SLC15A3: variants seen among roughly 807,000 people sequenced by gnomAD.
SLC15A3 encodes osteoclast transporter.
In SLC15A3, 39 loss-of-function variants were observed where a neutral mutation model predicts 49.2. The observed-to-expected ratio is 0.79, with a 90% CI of 0.61 to 1.04. SLC15A3 has a LOEUF of 1.04. Ranked by LOEUF, SLC15A3 falls within the 50% of genes least tolerant of loss-of-function variation. The probability of loss-of-function intolerance (pLI) is 0.00; values close to 1 mark genes in which losing one functional copy is unlikely to be tolerated. For synonymous variants in SLC15A3, 339 were observed against 367.0 expected, an observed-to-expected ratio of 0.92 and a Z score of 0.87; for missense variants, 758 against 794.8, an observed-to-expected ratio of 0.95 and a Z score of 0.56.
chr11:60,942,204 C>T, intron 3 of SLC15A3, 59 bp from the exon 4 acceptor site: 1 of 1,442,450 alleles, frequency 6.9e-7, no homozygotes, highest in South Asian at 1.1e-5. Flanking sequence ...CTCCCAACTC[C>T]TAGGTGGCAT....
intron 6 of SLC15A3, among the ~76,000 whole-genome samples, chr11:60,938,861 C>T (rs1055940000): frequency 4.6e-5 from 7 of 152,236 alleles, no homozygotes; most frequent in Non-Finnish European, 1.0e-4. Flanking sequence ...CTCTCCCCAT[C>T]TGAGTGAGCT....
chr11:60,937,494 A>AGTGTCTTC, intron 7 of SLC15A3, 121 bp from the exon 8 acceptor site: 1 of 1,277,756 alleles, frequency 7.8e-7, no homozygotes, highest in Non-Finnish European at 1.1e-6. Flanking sequence ...GTGGGATCTG[A>AGTGTCTTC]AGACACTGGA....
rs777180199 is a variant in SLC15A3 at position 60,946,533 on chromosome 11, T to G, written c.847A>C (p.Arg283=). 5 of 1,553,962 alleles carry G rather than the reference T, an allele frequency of 3.2e-6. No homozygotes were observed. The highest frequency in any genetic ancestry group is 4.4e-6 in the Non-Finnish European group (5 of 1,147,068). ...CPQLWQRHSA[R]DRQCARVLAD... The stretch of plus-strand genomic sequence containing the variant: ...CCTGCACCCAGAGCCCCTCCTTACC[T>G]GGCCGAGTGTCGTTGCCACAGCTGG... The change falls in exon 2 of 8, where the codon AGA becomes CGA. Residue 283 remains arginine, a splice_region_variant and synonymous_variant. Coordinates refer to ENST00000227880, the MANE Select transcript of SLC15A3 (RefSeq NM_016582.3).
In SLC15A3 at chr11:60,951,368, T is replaced by C. The variant is rs766925973; in HGVS notation, c.184A>G (p.Ser62Gly). ...TCGCCGGTCCAGTTGAAGTTGGTGC[T>C]GTTGAGGTACAGCACGAGGTTGGCG... ...VTANLVLYLN[S>G]TNFNWTGEQA... The change falls in exon 1 of 8, where the codon AGC becomes GGC. Residue 62 changes from serine to glycine, a missense_variant. Physicochemically the swap from Ser to Gly is moderately conservative, Grantham distance 56. Transcript: ENST00000227880. 6.4e-7 allele frequency: 1 copy of C among 1,559,582 alleles called. No individual in the cohort carries two copies. The highest frequency in any genetic ancestry group is 2.6e-5 in the East Asian group (1 of 38,690).
At chr11:60,938,347 C>G (rs558475406) in intron 6 of SLC15A3, among the ~76,000 whole-genome samples, 60 of 152,296 alleles carry the variant, frequency 3.9e-4, no homozygotes, top group African/African-American at 1.4e-3. Context: ...TCTCCCCACC[C>G]TCTCTGCCCA....
At chr11:60,948,758 G>A (rs894861467) in intron 1 of SLC15A3, among the ~76,000 whole-genome samples, 19 of 152,154 alleles carry the variant, frequency 1.2e-4, no homozygotes, top group South Asian at 6.2e-4. Context: ...CCCAAAGTTC[G>A]TGCCCAGCCA....
chr11:60,937,460 G>A, intron 7 of SLC15A3, 87 bp from the exon 8 acceptor site: 1 of 1,550,492 alleles, frequency 6.4e-7, no homozygotes, highest in South Asian at 1.2e-5. Context: ...CCTGGGGCTG[G>A]CAACTGAGGC....
chr11:60,942,243 G>C, intron 3 of SLC15A3, 98 bp from the exon 4 acceptor site: 6 of 953,084 alleles, frequency 6.3e-6, no homozygotes, highest in Non-Finnish European at 1.0e-5. Context: ...AGGACAGCTG[G>C]GCAGCTGTCC....
At position 60,951,296 on chromosome 11, in the gene SLC15A3, G is replaced by C. The variant is rs756228627; in HGVS notation, c.256C>G (p.Leu86Val). Residue 86 changes from leucine (L) to valine (V), a missense_variant, in exon 1 of 8, where the codon CTG (leucine) becomes GTG (valine). Physicochemically the swap from Leu to Val is conservative, Grantham distance 32 (BLOSUM62 1). This residue lies in a region of SLC15A3 where 699 missense variants were observed against 706.7 expected (regional missense o/e 0.99). Transcript: ENST00000227880. ...GCCAGCCAGCCGCCCACGGGCGCCA[G>C]CAGGTAGGAGGCGCCCAGGAATACC... ...ALVFLGASYL[L>V]APVGGWLADV... The C allele has an allele frequency of 6.6e-7, 1 of 1,523,556 alleles. No homozygotes were observed. Among genetic ancestry groups the C allele is most frequent in the South Asian group, 1.2e-5 (1 of 81,562 alleles). The allele number at this position is 1,523,556 out of a possible 1,614,324, so 94.4% of individuals were successfully genotyped here.
At position 60,951,531 on chromosome 11, in the gene SLC15A3, C is replaced by T. The variant is rs1856922873; in HGVS notation, c.21G>A (p.Arg7=). The T allele has an allele frequency of 2.6e-6, 3 of 1,158,698 alleles. No homozygotes were observed. Among genetic ancestry groups the T allele is most frequent in the South Asian group, 4.3e-5 (1 of 23,436 alleles). The allele number at this position is 1,158,698 out of a possible 1,614,324, so 71.8% of individuals were successfully genotyped here. A position where few individuals can be genotyped will look rare whatever the true frequency, so the allele number is the denominator to read the frequency against. Residue 7 remains arginine, a synonymous_variant, in exon 1 of 8, where the codon CGG becomes CGA. Transcript: ENST00000227880. Reference sequence around the variant, plus strand: ...GCTCCCCGGGCACGCGGGGCTGCTCCCGGGCGCGCGGCGCGGGCATCCTGG... The same window carrying T: ...GCTCCCCGGGCACGCGGGGCTGCTCTCGGGCGCGCGGCGCGGGCATCCTGG... MPAPRA[R]EQPRVPGERQ... is the part of the protein sequence containing the mutation.
At chr11:60,942,545 T>C (rs1856729291) in intron 3 of SLC15A3, 1 of 201,484 alleles carries the variant, frequency 5.0e-6, no homozygotes. Flanking sequence ...AAGCACTGCA[T>C]AGACATGGAC....
At position 60,937,863 on chromosome 11, in the gene SLC15A3, T is replaced by C. The variant is rs1159208002; in HGVS notation, c.1591+7A>G. The C allele has an allele frequency of 6.2e-7, 1 of 1,613,622 alleles. No individual in the cohort carries two copies. The highest frequency in any genetic ancestry group is 8.5e-7 in the Non-Finnish European group (1 of 1,179,698). On this transcript the variant is annotated splice_region_variant and intron_variant, in intron 7 of 7. Transcript: ENST00000227880. Reference sequence around the variant, plus strand: ...ATGTCCCACTCCTGGGGAGGCCCCATACTCACCAAAGTCCTTGGGGCAGTG... The same window carrying C: ...ATGTCCCACTCCTGGGGAGGCCCCACACTCACCAAAGTCCTTGGGGCAGTG...
rs1856922988 is a variant in SLC15A3, at chr11:60,951,534, G to A, written c.18C>T (p.Ala6=). The change falls in exon 1 of 8, where the codon GCC becomes GCT. Residue 6 remains alanine (A), a synonymous_variant. Coordinates refer to ENST00000227880, the MANE Select transcript of SLC15A3 (RefSeq NM_016582.3). ...CCCCGGGCACGCGGGGCTGCTCCCG[G>A]GCGCGCGGCGCGGGCATCCTGGCTC... MPAPR[A]REQPRVPGER... The A allele has an allele frequency of 1.7e-6, 2 of 1,146,518 alleles. No homozygotes were observed. The highest frequency in any genetic ancestry group is 2.1e-6 in the Non-Finnish European group (2 of 932,224). 71.0% of individuals were successfully genotyped at this position (1,146,518 alleles called of 1,614,324 possible).
At chr11:60,945,897 C>A (rs1454292632) in intron 2 of SLC15A3, among the ~76,000 whole-genome samples, 3 of 152,212 alleles carry the variant, frequency 2.0e-5, no homozygotes, top group South Asian at 2.1e-4. Context: ...TCCGCATTGC[C>A]AATGTTTGTG....
rs1856704449 is a variant in SLC15A3 at position 60,941,247 on chromosome 11, A to G, written c.1151T>C (p.Leu384Pro). 6.2e-7 allele frequency: 1 copy of G among 1,614,158 alleles called. No homozygotes were observed. Among genetic ancestry groups the G allele is most frequent in the Non-Finnish European group, 8.5e-7 (1 of 1,180,016 alleles). ...WLLLANVVVV[L>P]ILVPLKDRLI... is the part of the protein sequence containing the mutation. ...GCGGTCCTTCAGAGGGACCAGAATCAGCACCACCACAACATTGGCCAGGAG... is the reference window on the plus strand; with the variant it reads ...GCGGTCCTTCAGAGGGACCAGAATCGGCACCACCACAACATTGGCCAGGAG... The change falls in exon 5 of 8, where the codon CTG (leucine) becomes CCG (proline). Residue 384 changes from leucine (L) to proline (P), a missense_variant. By Grantham distance (98) the Leu-to-Pro change is moderately conservative. Around this residue, in one of 3 missense-constraint regions of SLC15A3, gnomAD observed 699 missense variants for 706.7 expected, o/e 0.99. Transcript: ENST00000227880.
Position 60,937,144 on chromosome 11 carries a change from C to G in SLC15A3, c.*75G>C. The G allele has an allele frequency of 6.5e-7, 1 of 1,545,634 alleles. No homozygotes were observed. The highest frequency in any genetic ancestry group is 8.7e-7 in the Non-Finnish European group (1 of 1,145,660). ...ACCATTTCATTCTAACAGAATAAAC[C>G]GAGAAGGAAACCAGAGCTGGGACTG... is the stretch of plus-strand genomic sequence containing the variant. On this transcript the variant is annotated 3_prime_UTR_variant, in exon 8 of 8. Coordinates refer to ENST00000227880, the MANE Select transcript of SLC15A3 (RefSeq NM_016582.3).
chr11:60,941,245 T>TCAG lies in SLC15A3; in HGVS notation c.1150_1152dup (p.Leu384dup), dbSNP rs769698471. On this transcript the variant is annotated inframe_insertion, in exon 5 of 8. Coordinates refer to ENST00000227880, the MANE Select transcript of SLC15A3 (RefSeq NM_016582.3). Reference sequence around the variant, plus strand: ...AAGCGGTCCTTCAGAGGGACCAGAATCAGCACCACCACAACATTGGCCAGG... The same window carrying TCAG: ...AAGCGGTCCTTCAGAGGGACCAGAATCAGCAGCACCACCACAACATTGGCCAGG... The TCAG allele has an allele frequency of 1.4e-5, 22 of 1,614,082 alleles. No individual in the cohort carries two copies. Among genetic ancestry groups the TCAG allele is most frequent in the Non-Finnish European group, 1.9e-5 (22 of 1,179,998 alleles).
chr11:60,947,856 C>T lies in SLC15A3; in HGVS notation c.559-1035G>A, dbSNP rs571500222. On this transcript the variant is annotated intron_variant, in intron 1 of 7. Transcript: ENST00000227880. ...CTCCAGTCAGCTGCACTAGCTGCTT[C>T]CAAATCTCCCAGGCCCAGGTCCCAG... is the stretch of plus-strand genomic sequence containing the variant. 2.6e-5 allele frequency: 4 copies of T among 152,330 alleles called. No homozygotes were observed. The South Asian group carries it at 8.3e-4, about 32-fold the overall frequency. The allele number at this position is 152,330 out of a possible 1,614,324, so 9.4% of individuals were successfully genotyped here. A position where few individuals can be genotyped will look rare whatever the true frequency, so the allele number is the denominator to read the frequency against.
chr11:60,951,574 C>T lies in SLC15A3; in HGVS notation c.-23G>A. Reference sequence around the variant, plus strand: ...CATCCTGGCTCCGGGCTGGGCCCCCCGCGGCTCTTCTCTCCTCTCCTCTCC... The same window carrying T: ...CATCCTGGCTCCGGGCTGGGCCCCCTGCGGCTCTTCTCTCCTCTCCTCTCC... On this transcript the variant is annotated 5_prime_UTR_variant, in exon 1 of 8. Transcript: ENST00000227880. 10 of 1,135,772 alleles carry T rather than the reference C, an allele frequency of 8.8e-6. No individual in the cohort carries two copies. Among genetic ancestry groups the T allele is most frequent in the Non-Finnish European group, 1.1e-5 (10 of 926,480 alleles). The allele number at this position is 1,135,772 out of a possible 1,614,324, so 70.4% of individuals were successfully genotyped here. A position where few individuals can be genotyped will look rare whatever the true frequency, so the allele number is the denominator to read the frequency against.
Sources: allele counts gnomAD v4.1 joint callset (sites outside exome capture counted in the v4.1 genomes callset), GRCh38; gene constraint gnomAD v4.1.1; regional missense constraint gnomAD v4.1.1; transcripts MANE v1.5; gene names NCBI Gene and HGNC (gene_info 2026-07-23, HGNC 2026-07-21).